The following PDGFD variants were observed in gnomAD, a reference collection of about 807,000 sequenced individuals.
The protein encoded by PDGFD is platelet derived growth factor D.
Under a neutral mutation model 44.7 loss-of-function variants are expected in PDGFD, and 30 were observed. The ratio of observed to expected loss-of-function variants is 0.67; its 90% CI spans 0.50 to 0.91. The LOEUF (loss-of-function observed/expected upper bound fraction) is 0.91, where lower values mean the gene tolerates loss of function less well. PDGFD is among the 40% of genes least tolerant of loss of function. The pLI, the probability that PDGFD is intolerant of heterozygous loss-of-function variation, is 0.00. For missense variants in PDGFD, 445 were observed against 457.8 expected, an observed-to-expected ratio of 0.97 and a Z score of 0.25; for synonymous variants, 173 against 168.4, an observed-to-expected ratio of 1.03 and a Z score of -0.21.
chr11:104,035,828 G>A (rs891494612), intron 1 of PDGFD, among the ~76,000 whole-genome samples: 1 of 152,134 alleles, frequency 6.6e-6, no homozygotes, highest in African/African-American at 2.4e-5. Flanking sequence ...GCACCTGGAA[G>A]ATGCTCATCC....
At chr11:103,935,362 T>C (rs1296965060) in intron 5 of PDGFD, among the ~76,000 whole-genome samples, 3 of 152,264 alleles carry the variant, frequency 2.0e-5, no homozygotes, top group African/African-American at 7.2e-5. Context: ...CACAATATGA[T>C]AAACAACAAT....
chr11:104,128,523 A>G (rs1282255584), intron 1 of PDGFD, among the ~76,000 whole-genome samples: 2 of 152,134 alleles, frequency 1.3e-5, no homozygotes, highest in Non-Finnish European at 2.9e-5. Context: ...GCACAAATAG[A>G]TGGCTCCATG....
intron 1 of PDGFD, among the ~76,000 whole-genome samples, chr11:104,021,525 C>A (rs1169819540): frequency 6.6e-6 from 1 of 152,146 alleles, no homozygotes; most frequent in Non-Finnish European, 1.5e-5. Flanking sequence ...GAGTCATCCA[C>A]TGTTTCTACT....
rs148827134 is a variant in PDGFD, at chr11:104,065,608, G to A, written c.125-65353C>T. 6.3e-3 allele frequency among the ~76,000 whole-genome samples: 960 copies of A among 152,132 alleles called. 8 individuals are homozygous for A. Among genetic ancestry groups the A allele is most frequent in the African/African-American group, 0.022 (894 of 41,526 alleles). On this transcript the variant is annotated intron_variant, in intron 1 of 6. Coordinates refer to ENST00000393158, the MANE Select transcript of PDGFD (RefSeq NM_025208.5). ...TAAAAAACTGTCAAAAAATTAACTG[G>A]CAATAGAAAATTCCGCATTGCTATT...
chr11:103,924,008 T>G (rs1041509441), intron 6 of PDGFD, among the ~76,000 whole-genome samples: 1 of 152,058 alleles, frequency 6.6e-6, no homozygotes, highest in East Asian at 1.9e-4. Context: ...AGAACAGAAA[T>G]TTGCAAGTAA....
In PDGFD at chr11:104,112,345, C is replaced by A. The variant is rs550363919; in HGVS notation, c.124+51459G>T. ...ATGTATGCCTTCTTTTAAAAAGTGTCTATTCATGTCCTTTGCCCACTTTTG... is the reference window on the plus strand; with the variant it reads ...ATGTATGCCTTCTTTTAAAAAGTGTATATTCATGTCCTTTGCCCACTTTTG... On this transcript the variant is annotated intron_variant, in intron 1 of 6. Transcript: ENST00000393158. Among the ~76,000 whole-genome samples the A allele has an allele frequency of 5.9e-5, 9 of 151,734 alleles. 1 individual carries two copies. The South Asian group carries it at 1.9e-3, about 32-fold the overall frequency.
chr11:104,025,877 C>A (rs573845257), intron 1 of PDGFD, among the ~76,000 whole-genome samples: 1 of 152,340 alleles, frequency 6.6e-6, no homozygotes, highest in South Asian at 2.1e-4. Context: ...GCAAAGGTAG[C>A]ATCTTTCTAA....
intron 1 of PDGFD, among the ~76,000 whole-genome samples, chr11:104,079,318 G>A (rs571046806): frequency 6.6e-6 from 1 of 152,178 alleles, no homozygotes; most frequent in South Asian, 2.1e-4. Flanking sequence ...AAATTATCAG[G>A]TTCTTACCCT....
chr11:103,976,438 TG>T (rs757367984), intron 3 of PDGFD, among the ~76,000 whole-genome samples: 7 of 152,120 alleles, frequency 4.6e-5, no homozygotes, highest in East Asian at 1.9e-4. Context: ...GCTGAGACGA[TG>T]GGGTTTTCTA....
intron 5 of PDGFD, 148 bp downstream of exon 5, chr11:103,943,304 C>G: frequency 1.4e-6 from 1 of 714,428 alleles, no homozygotes; most frequent in Middle Eastern, 4.1e-4. Context: ...ACTGAGCCAG[C>G]AAGTATAAAT....
intron 1 of PDGFD, among the ~76,000 whole-genome samples, chr11:104,013,262 C>G (rs1408032338): frequency 6.6e-6 from 1 of 152,156 alleles, no homozygotes; most frequent in Non-Finnish European, 1.5e-5. Context: ...CCACATTCAC[C>G]ATCCTTCAAG....
chr11:103,915,861 AATGGTGTTGGAAAAACTGGCTAGCCAT>A (rs1858115554), intron 6 of PDGFD, among the ~76,000 whole-genome samples: 1 of 152,248 alleles, frequency 6.6e-6, no homozygotes, highest in Admixed American at 6.5e-5. Context: ...CTATTTAATA[AATGGTGTTGGAAAAACTGGCTAGCCAT>A]ATGCAGAAAG....
At chr11:104,056,713 AATT>A (rs1860622009) in intron 1 of PDGFD, among the ~76,000 whole-genome samples, 1 of 152,244 alleles carries the variant, frequency 6.6e-6, no homozygotes, top group Non-Finnish European at 1.5e-5. Flanking sequence ...ATTTTAAGAC[AATT>A]ATTTTCATAT....
intron 1 of PDGFD, among the ~76,000 whole-genome samples, chr11:104,050,540 A>G (rs1369931419): frequency 6.6e-6 from 1 of 152,178 alleles, no homozygotes; most frequent in Non-Finnish European, 1.5e-5. Context: ...CAGTTTTGCC[A>G]CTTCCTGGAC....
chr11:103,947,273 A>C (rs1858680580), intron 4 of PDGFD, among the ~76,000 whole-genome samples: 1 of 152,234 alleles, frequency 6.6e-6, no homozygotes, highest in Non-Finnish European at 1.5e-5. Context: ...TGAAAATGCA[A>C]AGGTTAACGT....
chr11:104,094,798 C>A (rs1043441273), intron 1 of PDGFD, among the ~76,000 whole-genome samples: 1 of 152,144 alleles, frequency 6.6e-6, no homozygotes, highest in Non-Finnish European at 1.5e-5. Flanking sequence ...TCCTCCAACC[C>A]ACATTGCCAA....
In PDGFD at chr11:104,144,507, C is replaced by CAAAAA. The variant is rs201864924; in HGVS notation, c.124+19292_124+19296dup. 7.9e-3 allele frequency among the ~76,000 whole-genome samples: 582 copies of CAAAAA among 73,426 alleles called. 3 individuals are homozygous for CAAAAA. Among genetic ancestry groups the CAAAAA allele is most frequent in the East Asian group, 0.012 (35 of 2,820 alleles). The allele number at this position is 73,426 out of a possible 152,430, so 48.2% of individuals were successfully genotyped here. On this transcript the variant is annotated intron_variant, in intron 1 of 6. Coordinates refer to ENST00000393158, the MANE Select transcript of PDGFD (RefSeq NM_025208.5). ...GGCAATAAGAGCAAAACTCCGTCAC[C>CAAAAA]AAAAAAAAAAAAAAAAAAAAACCCA...
At chr11:103,961,582 G>C (rs1034651864) in intron 3 of PDGFD, among the ~76,000 whole-genome samples, 2 of 152,134 alleles carry the variant, frequency 1.3e-5, no homozygotes, top group African/African-American at 4.8e-5. Flanking sequence ...CAGGAAATTA[G>C]ACTGACAAAG....
At chr11:104,079,461 C>A (rs546752702) in intron 1 of PDGFD, among the ~76,000 whole-genome samples, 131 of 152,224 alleles carry the variant, frequency 8.6e-4, no homozygotes, top group Middle Eastern at 6.8e-3. Context: ...GATCTCGGCT[C>A]ACTGCAACCT....
Sources: allele counts gnomAD v4.1 joint callset (sites outside exome capture counted in the v4.1 genomes callset), GRCh38; gene constraint gnomAD v4.1.1; transcripts MANE v1.5; gene names NCBI Gene and HGNC (gene_info 2026-07-23, HGNC 2026-07-21).